Variants in TECPR2 observed in about 807,000 individuals in gnomAD.
TECPR2 encodes the protein tectonin beta-propeller repeat containing 2, also known as tectonin beta-propeller repeat-containing protein 2.
TECPR2 carries 65 observed loss-of-function variants against 138.1 expected under a neutral mutation model. The observed-to-expected ratio is 0.47, with a 90% CI of 0.39 to 0.58. The LOEUF (loss-of-function observed/expected upper bound fraction) is 0.58. TECPR2 is among the 20% of genes least tolerant of loss of function. TECPR2 has a pLI of 0.00. For missense variants in TECPR2, 1,553 were observed against 1,824.5 expected (o/e 0.85, Z 2.71); for synonymous variants, 746 against 749.8 (o/e 0.99, Z 0.08).
chr14:102,449,543 C>T (rs907039067), intron 13 of TECPR2, 86 bp from the exon 14 acceptor site: 26 of 1,566,562 alleles, frequency 1.7e-5, no homozygotes, highest in Non-Finnish European at 2.2e-5. Context: ...GAGGTGTGGA[C>T]CTGAGCTAGA....
chr14:102,490,752 T>C (rs1891139875), intron 17 of TECPR2, among the ~76,000 whole-genome samples: 1 of 152,208 alleles, frequency 6.6e-6, no homozygotes, highest in Non-Finnish European at 1.5e-5. Flanking sequence ...AGGGCCTGCC[T>C]GTACCACCAG....
chr14:102,488,283 A>T (rs1334470131), intron 17 of TECPR2, among the ~76,000 whole-genome samples: 6 of 150,028 alleles, frequency 4.0e-5, no homozygotes, highest in African/African-American at 1.2e-4. Flanking sequence ...TGTCTCATAG[A>T]GCTGGGATTA....
intron 4 of TECPR2, among the ~76,000 whole-genome samples, chr14:102,409,629 T>G (rs1289765948): frequency 6.6e-6 from 1 of 151,942 alleles, no homozygotes; most frequent in Non-Finnish European, 1.5e-5. Context: ...CTGCATGACT[T>G]TCAGTCCCTC....
intron 13 of TECPR2, 29 bp from the exon 14 acceptor site, chr14:102,449,600 C>T (rs1234558192): frequency 6.2e-7 from 1 of 1,611,514 alleles, no homozygotes; most frequent in East Asian, 2.2e-5. Context: ...GCTCTGACAG[C>T]AGGGCTTTTG....
At position 102,420,807 on chromosome 14, in the gene TECPR2, T is replaced by G. The variant is rs1012355938; in HGVS notation, c.639-4172T>G. ...TTAGAGGCAGCCACTCCCAGGACCTTGCTCAGCAGGGCTCCTTTCCCTTCC... is the reference window on the plus strand; with the variant it reads ...TTAGAGGCAGCCACTCCCAGGACCTGGCTCAGCAGGGCTCCTTTCCCTTCC... On this transcript the variant is annotated intron_variant, in intron 5 of 19. Transcript: ENST00000359520. This position sits in a 1 kb window ranked among gnomAD's most constrained non-coding sequence, Gnocchi z 4.1. Among the ~76,000 whole-genome samples the G allele has an allele frequency of 1.3e-5, 2 of 152,238 alleles. No individual in the cohort carries two copies. The highest frequency in any genetic ancestry group is 1.3e-4 in the Admixed American group (2 of 15,286).
At chr14:102,480,923 C>T (rs1276334022) in intron 17 of TECPR2, among the ~76,000 whole-genome samples, 1 of 138,170 alleles carries the variant, frequency 7.2e-6, no homozygotes, top group Non-Finnish European at 1.5e-5. Flanking sequence ...TGGCTCACTG[C>T]AACCTCCGCC....
chr14:102,498,741 TC>T lies in TECPR2; in HGVS notation c.*490del. 2.2e-6 allele frequency: 1 copy of T among 453,718 alleles called. No homozygotes were observed. Among genetic ancestry groups the T allele is most frequent in the Non-Finnish European group, 4.3e-6 (1 of 230,288 alleles). 28.1% of individuals were successfully genotyped at this position (453,718 alleles called of 1,614,324 possible). On this transcript the variant is annotated 3_prime_UTR_variant, in exon 20 of 20. Coordinates refer to ENST00000359520, the MANE Select transcript of TECPR2 (RefSeq NM_014844.5). ...GGCTTTGTCCCATCATAGGGGGGTG[TC>T]CCCCCAGAGACAAAGCTGCAGAGCA...
At chr14:102,481,389 T>C (rs1194422134) in intron 17 of TECPR2, among the ~76,000 whole-genome samples, 1 of 152,212 alleles carries the variant, frequency 6.6e-6, no homozygotes, top group Non-Finnish European at 1.5e-5. Flanking sequence ...CCTCAAGTGA[T>C]CCACCTGTCT....
chr14:102,488,148 T>C (rs1374694719), intron 17 of TECPR2, among the ~76,000 whole-genome samples: 1 of 151,846 alleles, frequency 6.6e-6, no homozygotes, highest in Non-Finnish European at 1.5e-5. Flanking sequence ...CCAGCCTCTT[T>C]TGCATTTTTA....
chr14:102,425,385 A>G, intron 6 of TECPR2, 94 bp downstream of exon 6: 1 of 1,317,902 alleles, frequency 7.6e-7, no homozygotes, highest in Non-Finnish European at 1.0e-6. Context: ...GAATGCTACC[A>G]GGAGCAGTAT....
At chr14:102,399,815 G>A (rs532715098) in intron 2 of TECPR2, among the ~76,000 whole-genome samples, 1 of 149,850 alleles carries the variant, frequency 6.7e-6, no homozygotes, top group East Asian at 2.0e-4. Flanking sequence ...TGGTGACAGA[G>A]CAAGACTCCG....
chr14:102,454,191 G>T (rs1890221209), intron 16 of TECPR2, among the ~76,000 whole-genome samples: 1 of 151,970 alleles, frequency 6.6e-6, no homozygotes, highest in South Asian at 2.1e-4. Context: ...GAAGAGAAGG[G>T]CTTGTTCCCC....
At chr14:102,403,695 T>C (rs1215915970) in intron 2 of TECPR2, among the ~76,000 whole-genome samples, 1 of 152,032 alleles carries the variant, frequency 6.6e-6, no homozygotes, top group East Asian at 1.9e-4. Flanking sequence ...ACAAAGTCAA[T>C]GCACAAAAAT....
Position 102,498,906 on chromosome 14 carries a change from ACAC to A in TECPR2, c.*653_*655del, listed in dbSNP as rs1396083115. On this transcript the variant is annotated 3_prime_UTR_variant, in exon 20 of 20. Transcript: ENST00000359520. ...ACCTCACACCACAGCACACCTCACCACACCACACCGCACTGCACCATACCTCAC... is the reference window on the plus strand; with the variant it reads ...ACCTCACACCACAGCACACCTCACCACACACCGCACTGCACCATACCTCAC... 4 of 682,752 alleles carry A rather than the reference ACAC, an allele frequency of 5.9e-6. No homozygotes were observed. In the East Asian group the frequency reaches 1.1e-4, roughly 19 times the overall value. The allele number at this position is 682,752 out of a possible 1,614,324, so 42.3% of individuals were successfully genotyped here.
At chr14:102,437,887 G>A (rs1254371829) in intron 9 of TECPR2, 135 bp from the exon 10 acceptor site, 7 of 992,146 alleles carry the variant, frequency 7.1e-6, no homozygotes, top group Non-Finnish European at 1.0e-5. Flanking sequence ...GTTGGGAGAA[G>A]GGTTGACTTG....
intron 16 of TECPR2, among the ~76,000 whole-genome samples, chr14:102,460,518 G>A (rs566984315): frequency 8.4e-4 from 126 of 150,236 alleles, no homozygotes; most frequent in African/African-American, 3.0e-3. Flanking sequence ...GGAGCCTGAG[G>A]CACAAGAATC....
chr14:102,492,494 T>A (rs1891180001), intron 17 of TECPR2, among the ~76,000 whole-genome samples: 1 of 152,248 alleles, frequency 6.6e-6, no homozygotes, highest in Non-Finnish European at 1.5e-5. Context: ...TATATTTTCC[T>A]CCAGTAATAC....
rs1464014839 is a variant in TECPR2, at chr14:102,419,938, C to T, written c.639-5041C>T. 6.6e-6 allele frequency among the ~76,000 whole-genome samples: 1 copy of T among 152,066 alleles called. No homozygotes were observed. Among genetic ancestry groups the T allele is most frequent in the Non-Finnish European group, 1.5e-5 (1 of 68,018 alleles). On this transcript the variant is annotated intron_variant, in intron 5 of 19. Transcript: ENST00000359520. The surrounding 1 kb of genome is among the most constrained non-coding windows in gnomAD (Gnocchi z 4.8). ...CCGCATGTGGGTAAGAGCCAGCAGC[C>T]GGTTCTGGAACCCCGCGACTAGCAC...
chr14:102,403,303 C>G (rs1436327706), intron 2 of TECPR2, among the ~76,000 whole-genome samples: 1 of 152,116 alleles, frequency 6.6e-6, no homozygotes, highest in Non-Finnish European at 1.5e-5. Flanking sequence ...CTCCACTGGT[C>G]CATAAAAAGC....
Sources: allele counts gnomAD v4.1 joint callset (sites outside exome capture counted in the v4.1 genomes callset), GRCh38; gene constraint gnomAD v4.1.1; non-coding constraint Gnocchi (gnomAD v3.1); transcripts MANE v1.5; gene names NCBI Gene and HGNC (gene_info 2026-07-23, HGNC 2026-07-21).